Variants in EXOC4 observed in about 807,000 individuals in gnomAD.
EXOC4 encodes SEC8-like 1.
A neutral mutation model predicts 107.2 loss-of-function variants in EXOC4; 71 were observed. The observed-to-expected ratio is 0.66, with a 90% CI of 0.55 to 0.81. EXOC4 has a LOEUF of 0.81. Among genes scored for constraint, EXOC4 ranks in the 30% least tolerant of loss-of-function variants. The pLI, the probability that EXOC4 is intolerant of heterozygous loss-of-function variation, is 0.00. For missense variants in EXOC4, 1,108 were observed against 1,189.6 expected (o/e 0.93, Z 1.01); for synonymous variants, 456 against 441.2 (o/e 1.03, Z -0.42).
chr7:133,713,352 T>C (rs1794933484), intron 10 of EXOC4, among the ~76,000 whole-genome samples: 1 of 152,210 alleles, frequency 6.6e-6, no homozygotes, highest in Admixed American at 6.5e-5. Flanking sequence ...TGGGGATTAT[T>C]CTTTGACTTA....
chr7:133,989,347 T>A (rs2953617), intron 14 of EXOC4, among the ~76,000 whole-genome samples: 73,698 of 151,974 alleles, frequency 0.48, 18,973 homozygotes, highest in African/African-American at 0.65. Flanking sequence ...AAATCATTAA[T>A]CAAATAAGGT....
intron 10 of EXOC4, among the ~76,000 whole-genome samples, chr7:133,711,028 A>G (rs58277267): frequency 0.097 from 14,808 of 152,212 alleles, 796 homozygotes; most frequent in Middle Eastern, 0.16. Flanking sequence ...GATACACCAC[A>G]CCGTCCCCAC....
At chr7:133,884,449 TAAGG>T (rs1799034308) in intron 11 of EXOC4, among the ~76,000 whole-genome samples, 1 of 152,116 alleles carries the variant, frequency 6.6e-6, no homozygotes, top group African/African-American at 2.4e-5. Context: ...TTATCCTAGA[TAAGG>T]AAGGAATCTC....
intron 14 of EXOC4, among the ~76,000 whole-genome samples, chr7:133,952,615 A>T (rs1800718742): frequency 6.6e-6 from 1 of 152,166 alleles, no homozygotes; most frequent in Non-Finnish European, 1.5e-5. Context: ...TTCTCAAACT[A>T]AAACTCCATA....
At chr7:133,319,060 AGTT>A (rs1193977229) in intron 5 of EXOC4, among the ~76,000 whole-genome samples, 2 of 152,186 alleles carry the variant, frequency 1.3e-5, no homozygotes, top group Non-Finnish European at 2.9e-5. Flanking sequence ...GGAAATTACC[AGTT>A]GTTACATCTT....
At chr7:133,351,530 A>G (rs772459150) in intron 5 of EXOC4, among the ~76,000 whole-genome samples, 1 of 152,026 alleles carries the variant, frequency 6.6e-6, no homozygotes, top group Non-Finnish European at 1.5e-5. Context: ...ATCAATGGTA[A>G]TGTAACTTCC....
chr7:133,895,832 C>A, intron 12 of EXOC4, 97 bp downstream of exon 12: 3 of 1,339,774 alleles, frequency 2.2e-6, no homozygotes, highest in Non-Finnish European at 3.1e-6. Context: ...CCAAAAGGAT[C>A]ATCTCTGAGT....
At chr7:133,686,086 G>C (rs1794292257) in intron 10 of EXOC4, among the ~76,000 whole-genome samples, 1 of 152,084 alleles carries the variant, frequency 6.6e-6, no homozygotes, top group African/African-American at 2.4e-5. Flanking sequence ...GATTGGGACT[G>C]GTGGCTGTGT....
Position 133,287,321 on chromosome 7 carries a change from T to A in EXOC4, c.277-1601T>A, listed in dbSNP as rs184610354. Among the ~76,000 whole-genome samples the A allele has an allele frequency of 7.3e-3, 1,105 of 151,776 alleles. 6 individuals carry two copies. The highest frequency in any genetic ancestry group is 0.024 in the Middle Eastern group (7 of 292). On this transcript the variant is annotated intron_variant, in intron 2 of 17. Transcript: ENST00000253861. The stretch of plus-strand genomic sequence containing the variant: ...CTATTATATATATATATATGTATAT[T>A]TTTTTTTGAGACGGAGTCTTGCTCT...
chr7:133,667,881 A>G (rs1460855199), intron 10 of EXOC4, among the ~76,000 whole-genome samples: 2 of 152,180 alleles, frequency 1.3e-5, no homozygotes, highest in African/African-American at 4.8e-5. Context: ...TTTACAATCA[A>G]ATAGACAAAA....
rs762157949 is a variant in EXOC4, at chr7:134,007,844, G to C, written c.2687+9G>C. On this transcript the variant is annotated intron_variant, in intron 17 of 17. Transcript: ENST00000253861. Reference sequence around the variant, plus strand: ...GACCTGGACTTTGCAAGGTAGGAGGGAAAACTGGGTTTAGTTTCTTATGCC... The same window carrying C: ...GACCTGGACTTTGCAAGGTAGGAGGCAAAACTGGGTTTAGTTTCTTATGCC... The C allele has an allele frequency of 3.1e-6, 5 of 1,607,026 alleles. No individual in the cohort carries two copies. Among genetic ancestry groups the C allele is most frequent in the Non-Finnish European group, 2.6e-6 (3 of 1,176,020 alleles).
At chr7:133,821,417 G>A (rs1419896698) in intron 11 of EXOC4, among the ~76,000 whole-genome samples, 1 of 152,184 alleles carries the variant, frequency 6.6e-6, no homozygotes, top group Non-Finnish European at 1.5e-5. Flanking sequence ...GATTATGCTT[G>A]TCTGCAAGCT....
chr7:133,456,998 A>G (rs1207077817), intron 7 of EXOC4, among the ~76,000 whole-genome samples: 1 of 152,226 alleles, frequency 6.6e-6, no homozygotes, highest in Non-Finnish European at 1.5e-5. Flanking sequence ...TTCAGAGCAT[A>G]AACTATCTTA....
At chr7:133,450,969 C>A (rs1798330993) in intron 7 of EXOC4, among the ~76,000 whole-genome samples, 2 of 152,166 alleles carry the variant, frequency 1.3e-5, no homozygotes, top group African/African-American at 4.8e-5. Context: ...GGGCCAGCTG[C>A]CTCTCAGGCC....
At chr7:134,077,519 G>A in the EXOC4 span, among the ~76,000 whole-genome samples, 2 of 152,218 alleles carry the variant, frequency 1.3e-5, no homozygotes, top group Non-Finnish European at 1.5e-5. Context: ...TCAGGAGGAC[G>A]AGAGAGACCT....
chr7:133,470,977 G>T (rs1391401045), intron 7 of EXOC4, among the ~76,000 whole-genome samples: 1 of 152,056 alleles, frequency 6.6e-6, no homozygotes, highest in Non-Finnish European at 1.5e-5. Flanking sequence ...ACCATGATGT[G>T]GAATCATCAA....
intron 11 of EXOC4, among the ~76,000 whole-genome samples, chr7:133,847,309 G>A (rs970454706): frequency 2.0e-5 from 3 of 151,900 alleles, no homozygotes; most frequent in Non-Finnish European, 4.4e-5. Context: ...TCCCTAATAA[G>A]TATTATTAGC....
intron 10 of EXOC4, among the ~76,000 whole-genome samples, chr7:133,784,399 T>C (rs1366228324): frequency 1.3e-5 from 2 of 152,176 alleles, no homozygotes; most frequent in East Asian, 3.9e-4. Context: ...ATTTGGACCC[T>C]TGGTCTTGGC....
intron 11 of EXOC4, among the ~76,000 whole-genome samples, chr7:133,834,876 G>A (rs1479956383): frequency 6.6e-6 from 1 of 152,154 alleles, no homozygotes; most frequent in East Asian, 1.9e-4. Flanking sequence ...GAAACCAGTG[G>A]GAGGTGATTG....
Sources: allele counts gnomAD v4.1 joint callset (sites outside exome capture counted in the v4.1 genomes callset), GRCh38; gene constraint gnomAD v4.1.1; transcripts MANE v1.5; gene names NCBI Gene and HGNC (gene_info 2026-07-23, HGNC 2026-07-21).